Variants in NR2C1 observed in about 807,000 individuals in gnomAD.
The protein encoded by NR2C1 is TR2 nuclear hormone receptor.
Under a neutral mutation model 74.8 loss-of-function variants are expected in NR2C1, and 33 were observed. That is an observed-to-expected ratio of 0.44 (90% CI 0.33 to 0.59). NR2C1 has a LOEUF of 0.59. NR2C1 is among the 20% of genes least tolerant of loss of function. The pLI is 0.02. For synonymous variants in NR2C1, 225 were observed against 240.6 expected (o/e 0.94, Z 0.60); for missense variants, 568 against 715.6 (o/e 0.79, Z 2.35).
chr12:95,072,062 A>G (rs1013461692), intron 1 of NR2C1, among the ~76,000 whole-genome samples: 2 of 151,182 alleles, frequency 1.3e-5, no homozygotes, highest in African/African-American at 4.8e-5. Context: ...CCCACTTTTA[A>G]TGATAGAAAT....
intron 2 of NR2C1, among the ~76,000 whole-genome samples, chr12:95,065,259 T>C (rs1170818000): frequency 6.6e-6 from 1 of 152,090 alleles, no homozygotes; most frequent in African/African-American, 2.4e-5. Context: ...CTCGGCTCAC[T>C]GCAACCTCTG....
chr12:95,031,551 C>CA, intron 10 of NR2C1, 63 bp from the exon 11 acceptor site: 1 of 1,283,626 alleles, frequency 7.8e-7, no homozygotes, highest in Non-Finnish European at 1.0e-6. Context: ...ATAAACCTTA[C>CA]AGCTAGTCCA....
chr12:95,034,401 C>A (rs1020782373), intron 10 of NR2C1, among the ~76,000 whole-genome samples: 2 of 152,054 alleles, frequency 1.3e-5, no homozygotes, highest in African/African-American at 2.4e-5. Context: ...ATAAAGGATA[C>A]TATTTTCATT....
In NR2C1 at chr12:95,058,406, G is replaced by T. The variant is rs935888911; in HGVS notation, c.448C>A (p.Arg150=). 2.5e-6 allele frequency: 4 copies of T among 1,613,206 alleles called. No homozygotes were observed. In the African/African-American group the frequency reaches 5.3e-5, roughly 22 times the overall value. Residue 150 remains arginine, a synonymous_variant, in exon 5 of 14, where the codon CGA becomes AGA. Transcript: ENST00000333003. ...TTAATAATACAATCCTTTGATCCTC[G>T]ACATGAATATACTAAATTTTTTCGG... The part of the protein sequence containing the change: ...SIRKNLVYSC[R]GSKDCIINKH...
chr12:95,051,365 A>G (rs1206561336), intron 8 of NR2C1, among the ~76,000 whole-genome samples: 1 of 152,202 alleles, frequency 6.6e-6, no homozygotes, highest in East Asian at 1.9e-4. Flanking sequence ...GACTCCCCCA[A>G]GTAAGCACGC....
At chr12:95,046,343 C>T (rs763684855) in intron 9 of NR2C1, among the ~76,000 whole-genome samples, 8 of 152,238 alleles carry the variant, frequency 5.3e-5, no homozygotes, top group South Asian at 2.1e-4. Context: ...CCCAGCACTT[C>T]GGGAGGCCGA....
chr12:95,037,842 C>T (rs1031555905), intron 10 of NR2C1, among the ~76,000 whole-genome samples: 17 of 137,326 alleles, frequency 1.2e-4, no homozygotes, highest in African/African-American at 3.9e-4. Flanking sequence ...TTGCACTGAG[C>T]GGAGATCGTG....
At chr12:95,031,928 C>T (rs556327251) in intron 10 of NR2C1, among the ~76,000 whole-genome samples, 6 of 152,294 alleles carry the variant, frequency 3.9e-5, no homozygotes, top group African/African-American at 9.6e-5. Context: ...AGTGCAATGG[C>T]GTGATCTCTG....
chr12:95,062,467 T>A (rs747099487), intron 3 of NR2C1, 41 bp downstream of exon 3: 39 of 1,385,546 alleles, frequency 2.8e-5, no homozygotes, highest in Middle Eastern at 1.8e-4. Flanking sequence ...AATTTTTTTT[T>A]TATATATGTA....
At chr12:95,065,676 G>A (rs1875578427) in intron 2 of NR2C1, among the ~76,000 whole-genome samples, 1 of 151,936 alleles carries the variant, frequency 6.6e-6, no homozygotes, top group Admixed American at 6.6e-5. Flanking sequence ...TATTGACTGG[G>A]CGCAGGGGCT....
intron 12 of NR2C1, chr12:95,027,012 A>C (rs762856697): frequency 9.8e-5 from 15 of 152,310 alleles, no homozygotes; most frequent in Non-Finnish European, 1.9e-4. Context: ...TAAGAATTCA[A>C]ATGTTGACGT....
At chr12:95,023,982 G>A (rs2058563028) in intron 13 of NR2C1, among the ~76,000 whole-genome samples, 1 of 152,048 alleles carries the variant, frequency 6.6e-6, no homozygotes, top group African/African-American at 2.4e-5. Flanking sequence ...TAGACCAGCA[G>A]CCCCCAGGAT....
chr12:95,022,373 A>G lies in NR2C1; in HGVS notation c.1668T>C (p.Ala556=). The stretch of plus-strand genomic sequence containing the variant: ...TGATGGTAGCATTCATCAGTCTTAA[A>G]GCTGGCAATCTGAGTAGTAGTCTGG... The part of the protein sequence containing the change: ...RLSRLLLRLP[A]LRLMNATITE... The change falls in exon 14 of 14, where the codon GCT becomes GCC. Residue 556 remains alanine (A), a synonymous_variant. Coordinates refer to ENST00000333003, the MANE Select transcript of NR2C1 (RefSeq NM_003297.4). 6.2e-7 allele frequency: 1 copy of G among 1,613,178 alleles called. No homozygotes were observed. The highest frequency in any genetic ancestry group is 8.5e-7 in the Non-Finnish European group (1 of 1,179,852).
At chr12:95,049,552 C>T (rs920947206) in intron 8 of NR2C1, 3 of 183,280 alleles carry the variant, frequency 1.6e-5, no homozygotes, top group African/African-American at 7.1e-5. Flanking sequence ...GAGCTATGAT[C>T]ACACCACTGT....
chr12:95,052,538 C>T (rs997749278), intron 7 of NR2C1, among the ~76,000 whole-genome samples: 3 of 152,128 alleles, frequency 2.0e-5, no homozygotes, highest in African/African-American at 7.2e-5. Flanking sequence ...ATCACTGCAT[C>T]CTTAAATTTC....
chr12:95,025,438 C>T, intron 12 of NR2C1, 183 bp from the exon 13 acceptor site: 1 of 412,748 alleles, frequency 2.4e-6, no homozygotes, highest in Non-Finnish European at 4.3e-6. Flanking sequence ...GAGGGTGAAT[C>T]ATCTGAGGTC....
chr12:95,059,153 T>C (rs1874359307), intron 4 of NR2C1, among the ~76,000 whole-genome samples: 1 of 151,032 alleles, frequency 6.6e-6, no homozygotes, highest in Non-Finnish European at 1.5e-5. Flanking sequence ...AATACAAAAA[T>C]TAGCAGGGCA....
At chr12:95,067,058 C>A in intron 2 of NR2C1, 1 of 498,882 alleles carries the variant, frequency 2.0e-6, no homozygotes, top group Non-Finnish European at 3.5e-6. Context: ...CCTACTCACT[C>A]TACAGCTCTT....
chr12:95,022,511 C>T (rs1868878827), intron 13 of NR2C1, 108 bp from the exon 14 acceptor site: 1 of 926,952 alleles, frequency 1.1e-6, no homozygotes, highest in Non-Finnish European at 1.7e-6. Context: ...ATAAAGATAG[C>T]ATTTTCAAAA....
Sources: allele counts gnomAD v4.1 joint callset (sites outside exome capture counted in the v4.1 genomes callset), GRCh38; gene constraint gnomAD v4.1.1; transcripts MANE v1.5; gene names NCBI Gene and HGNC (gene_info 2026-07-23, HGNC 2026-07-21).